The following BABAM2 variants were observed in gnomAD, a reference collection of about 807,000 sequenced individuals.
The protein encoded by BABAM2 is BRISC and BRCA1 A complex member 2.
In BABAM2, 31 loss-of-function variants were observed where a neutral mutation model predicts 54.7. The ratio of observed to expected loss-of-function variants is 0.57; its 90% CI spans 0.43 to 0.77. The LOEUF (loss-of-function observed/expected upper bound fraction) is 0.77, where lower values mean the gene tolerates loss of function less well. Ranked by LOEUF, BABAM2 falls within the 30% of genes least tolerant of loss-of-function variation. BABAM2 has a pLI of 0.00. For synonymous variants in BABAM2, 167 were observed against 162.9 expected, an observed-to-expected ratio of 1.03 and a Z score of -0.19; for missense variants, 364 against 455.8, an observed-to-expected ratio of 0.80 and a Z score of 1.83.
intron 8 of BABAM2, among the ~76,000 whole-genome samples, chr2:28,238,186 G>A (rs1682093015): frequency 6.6e-6 from 1 of 152,190 alleles, no homozygotes; most frequent in African/African-American, 2.4e-5. Context: ...ATGATCTAAA[G>A]CTTCTCTTAG....
At chr2:27,974,033 A>G (rs1401609116) in intron 3 of BABAM2, among the ~76,000 whole-genome samples, 2 of 152,192 alleles carry the variant, frequency 1.3e-5, no homozygotes, top group Non-Finnish European at 2.9e-5. Context: ...TATCTGTTAA[A>G]TAAATTGAAT....
chr2:28,240,453 C>T (rs1682307637), intron 8 of BABAM2, among the ~76,000 whole-genome samples: 1 of 152,236 alleles, frequency 6.6e-6, no homozygotes, highest in Admixed American at 6.5e-5. Context: ...AAATTAGTGT[C>T]ATATATGTGC....
rs186907685 is a variant in BABAM2, at chr2:27,979,096, C to T, written c.206-8897C>T. 2.7e-3 allele frequency among the ~76,000 whole-genome samples: 398 copies of T among 149,014 alleles called. 5 individuals are homozygous for T. Among genetic ancestry groups the T allele is most frequent in the Non-Finnish European group, 4.1e-3 (275 of 67,642 alleles). ...AGGCTGGAGTGCAGCGGCACAATCT[C>T]GGCTCACTGCAACCTCCACCCCCTG... On this transcript the variant is annotated intron_variant, in intron 3 of 11. Coordinates refer to ENST00000379624, the MANE Select transcript of BABAM2 (RefSeq NM_199191.3).
chr2:28,315,588 C>T (rs1689483549), intron 11 of BABAM2, among the ~76,000 whole-genome samples: 1 of 151,786 alleles, frequency 6.6e-6, no homozygotes, highest in Non-Finnish European at 1.5e-5. Context: ...CCACCTCAGC[C>T]TCCCAAGTAA....
chr2:28,038,775 A>C (rs896018015), intron 5 of BABAM2, among the ~76,000 whole-genome samples: 2 of 152,200 alleles, frequency 1.3e-5, no homozygotes, highest in African/African-American at 4.8e-5. Context: ...TTAAAAATCC[A>C]GTTCACCACT....
At chr2:28,239,055 T>C (rs1682173427) in intron 8 of BABAM2, among the ~76,000 whole-genome samples, 1 of 152,204 alleles carries the variant, frequency 6.6e-6, no homozygotes, top group African/African-American at 2.4e-5. Context: ...TTGTTGTGGG[T>C]TTCTGTTAAA....
chr2:28,237,070 T>C, intron 7 of BABAM2, 132 bp from the exon 8 acceptor site: 1 of 687,034 alleles, frequency 1.5e-6, no homozygotes, highest in South Asian at 1.7e-5. Context: ...GTGAAGCCCA[T>C]ATACCCATCA....
chr2:28,175,422 C>A (rs13407525), intron 7 of BABAM2, among the ~76,000 whole-genome samples: 27 of 152,296 alleles, frequency 1.8e-4, no homozygotes, highest in African/African-American at 6.0e-4. Flanking sequence ...ACTGCTACCC[C>A]CTCCCAGTAC....
intron 3 of BABAM2, among the ~76,000 whole-genome samples, chr2:27,971,374 C>CT (rs896585168): frequency 4.6e-5 from 7 of 152,074 alleles, no homozygotes; most frequent in Admixed American, 1.3e-4. Context: ...TAACCAAAAT[C>CT]TTTACAGTCA....
intron 10 of BABAM2, among the ~76,000 whole-genome samples, chr2:28,258,450 CTTTT>C (rs1684155937): frequency 1.3e-5 from 2 of 151,998 alleles, no homozygotes; most frequent in African/African-American, 2.4e-5. Context: ...TATTGTCATT[CTTTT>C]TAAGTTTAGC....
At chr2:27,942,213 C>T (rs1412443444) in intron 3 of BABAM2, among the ~76,000 whole-genome samples, 3 of 152,174 alleles carry the variant, frequency 2.0e-5, no homozygotes, top group Non-Finnish European at 2.9e-5. Context: ...AAACTGATAA[C>T]CAAACTGATG....
rs35450423 is a variant in BABAM2, at chr2:28,267,438, TACACACACAC to T, written c.934+22595_934+22604del. On this transcript the variant is annotated intron_variant, in intron 10 of 11. Coordinates refer to ENST00000379624, the MANE Select transcript of BABAM2 (RefSeq NM_199191.3). ...TACACTGACTAGACACACACACACA[TACACACACAC>T]ACACACACACACACACACTTTTAAT... is the stretch of plus-strand genomic sequence containing the variant. 4.9e-5 allele frequency among the ~76,000 whole-genome samples: 7 copies of T among 141,830 alleles called. 1 individual carries two copies. Among genetic ancestry groups the T allele is most frequent in the South Asian group, 2.2e-4 (1 of 4,494 alleles). The allele number at this position is 141,830 out of a possible 152,430, so 93.0% of individuals were successfully genotyped here.
At chr2:28,271,540 G>A (rs141450553) in intron 10 of BABAM2, among the ~76,000 whole-genome samples, 1 of 152,186 alleles carries the variant, frequency 6.6e-6, no homozygotes, top group Non-Finnish European at 1.5e-5. Context: ...TCCACACATT[G>A]TAAAGGAAAC....
chr2:28,062,134 T>G (rs1353715824), intron 6 of BABAM2, among the ~76,000 whole-genome samples: 2 of 151,940 alleles, frequency 1.3e-5, no homozygotes, highest in African/African-American at 4.8e-5. Flanking sequence ...GGCAGGTGCC[T>G]GTAATCCCAG....
chr2:28,333,062 C>T (rs558981176), intron 11 of BABAM2, among the ~76,000 whole-genome samples: 1 of 152,212 alleles, frequency 6.6e-6, no homozygotes, highest in African/African-American at 2.4e-5. Context: ...GCTGTTTCCA[C>T]AGACTCAGAG....
At chr2:28,271,427 TCA>T (rs10557596) in intron 10 of BABAM2, among the ~76,000 whole-genome samples, 17,296 of 152,184 alleles carry the variant, frequency 0.11, 1,101 homozygotes, top group Middle Eastern at 0.17. Flanking sequence ...GCCTGGGCCC[TCA>T]CAGGGACAGC....
At chr2:28,164,774 G>A (rs1051497655) in intron 7 of BABAM2, among the ~76,000 whole-genome samples, 1 of 151,878 alleles carries the variant, frequency 6.6e-6, no homozygotes. Context: ...AAGTTTATAG[G>A]CTTTTAAAAA....
At chr2:28,292,163 A>G (rs966001998) in intron 10 of BABAM2, among the ~76,000 whole-genome samples, 1 of 152,230 alleles carries the variant, frequency 6.6e-6, no homozygotes, top group African/African-American at 2.4e-5. Flanking sequence ...AAAGCGCAGA[A>G]ATATATAGTT....
intron 7 of BABAM2, among the ~76,000 whole-genome samples, chr2:28,216,350 T>C (rs1396294706): frequency 6.6e-6 from 1 of 152,196 alleles, no homozygotes; most frequent in Non-Finnish European, 1.5e-5. Flanking sequence ...ATAAGCCAAC[T>C]CTAGTGACTC....
Sources: gnomAD v4.1 joint callset for allele counts (sites outside exome capture counted in the v4.1 genomes callset) on GRCh38, gnomAD v4.1.1 for gene constraint, MANE v1.5 for transcripts, NCBI Gene and HGNC (gene_info 2026-07-23, HGNC 2026-07-21) for gene names.